MRAS: variants seen among roughly 807,000 people sequenced by gnomAD.
MRAS encodes muscle RAS oncogene homolog, also known as ras-related protein M-Ras.
In MRAS, 4 loss-of-function variants were observed where a neutral mutation model predicts 20.9. That is an observed-to-expected ratio of 0.19 (90% CI 0.09 to 0.44). MRAS has a LOEUF of 0.44. Among genes scored for constraint, MRAS ranks in the 20% least tolerant of loss-of-function variants. MRAS has a pLI of 0.99. For missense variants in MRAS, 154 were observed against 277.5 expected, an observed-to-expected ratio of 0.56 and a Z score of 3.16; for synonymous variants, 98 against 102.9, an observed-to-expected ratio of 0.95 and a Z score of 0.29.
chr3:138,391,459 A>G (rs561562854), intron 2 of MRAS, among the ~76,000 whole-genome samples: 2 of 152,320 alleles, frequency 1.3e-5, no homozygotes, highest in East Asian at 3.9e-4. Context: ...CTGCAGTCCA[A>G]AAATCTGAAA....
chr3:138,356,000 C>T (rs757702698), intron 1 of MRAS, among the ~76,000 whole-genome samples: 18 of 152,300 alleles, frequency 1.2e-4, no homozygotes, highest in Non-Finnish European at 2.1e-4. Context: ...CAAAAGCCAG[C>T]GAAGGCTGGG....
intron 5 of MRAS, among the ~76,000 whole-genome samples, chr3:138,401,440 A>G (rs1005002410): frequency 6.6e-6 from 1 of 152,210 alleles, no homozygotes; most frequent in African/African-American, 2.4e-5. Context: ...ATGAGGAAAT[A>G]TTACATTCTT....
At chr3:138,369,460 G>T (rs2054630000) in intron 1 of MRAS, among the ~76,000 whole-genome samples, 1 of 152,130 alleles carries the variant, frequency 6.6e-6, no homozygotes, top group South Asian at 2.1e-4. Flanking sequence ...AAACCTGGTT[G>T]GGGGTGACAG....
intron 1 of MRAS, among the ~76,000 whole-genome samples, chr3:138,369,377 G>T (rs2054627855): frequency 6.6e-6 from 1 of 152,172 alleles, no homozygotes; most frequent in African/African-American, 2.4e-5. Flanking sequence ...CCATGAGGAG[G>T]TTTGTGCTCT....
At chr3:138,397,782 G>A (rs1331158557) in intron 3 of MRAS, among the ~76,000 whole-genome samples, 1 of 152,156 alleles carries the variant, frequency 6.6e-6, no homozygotes, top group African/African-American at 2.4e-5. Flanking sequence ...AAGGCAAAGT[G>A]TTAATAAGTT....
chr3:138,352,992 A>G (rs557640560), intron 1 of MRAS, among the ~76,000 whole-genome samples: 4 of 152,314 alleles, frequency 2.6e-5, no homozygotes, highest in South Asian at 2.1e-4. Flanking sequence ...AATGAAGACC[A>G]CTACCAGTAT....
chr3:138,361,143 G>GA (rs1297835397), intron 1 of MRAS, among the ~76,000 whole-genome samples: 8 of 152,252 alleles, frequency 5.3e-5, no homozygotes, highest in Admixed American at 5.2e-4. Context: ...GACCTTGGGG[G>GA]ATAGAAGAGG....
At chr3:138,360,113 C>T (rs2054414727) in intron 1 of MRAS, among the ~76,000 whole-genome samples, 1 of 152,208 alleles carries the variant, frequency 6.6e-6, no homozygotes, top group South Asian at 2.1e-4. Flanking sequence ...TACCTATCCC[C>T]TTCTATCACT....
At chr3:138,354,319 A>G (rs1052064302) in intron 1 of MRAS, among the ~76,000 whole-genome samples, 1 of 152,192 alleles carries the variant, frequency 6.6e-6, no homozygotes, top group African/African-American at 2.4e-5. Context: ...AGATGTGACC[A>G]TTTTGTCTGC....
chr3:138,354,950 TA>T (rs1553796554), intron 1 of MRAS, among the ~76,000 whole-genome samples: 1 of 151,978 alleles, frequency 6.6e-6, no homozygotes. Context: ...CCATCTAATT[TA>T]AAAAAATTTT....
chr3:138,389,911 A>G (rs527985448), intron 2 of MRAS, among the ~76,000 whole-genome samples: 2 of 145,466 alleles, frequency 1.4e-5, no homozygotes, highest in East Asian at 4.3e-4. Context: ...CCTGGAGCTC[A>G]TGCTGTGACT....
At chr3:138,373,643 A>T (rs549157625) in intron 2 of MRAS, among the ~76,000 whole-genome samples, 1 of 152,316 alleles carries the variant, frequency 6.6e-6, no homozygotes, top group African/African-American at 2.4e-5. Flanking sequence ...GTTTTAACAC[A>T]CCCTCGAGGA....
Position 138,393,166 on chromosome 3 carries a change from T to A in MRAS, c.194-4158T>A, listed in dbSNP as rs137937709. Among the ~76,000 whole-genome samples, 1,083 of 152,334 alleles carry A rather than the reference T, an allele frequency of 7.1e-3. 8 individuals are homozygous for A. Among genetic ancestry groups the A allele is most frequent in the Non-Finnish European group, 8.4e-3 (570 of 68,030 alleles). ...CCCTCACACATTGGATCATCTTAGA[T>A]TTTAGTTCTACATTATCATCTATTC... On this transcript the variant is annotated intron_variant, in intron 2 of 5. Coordinates refer to ENST00000423968, the MANE Select transcript of MRAS (RefSeq NM_001085049.3).
Position 138,360,486 on chromosome 3 carries a change from C to G in MRAS, c.-19+11719C>G, listed in dbSNP as rs113884440. ...CCCCAGCTCAGAAGGCAGGGCCAGT[C>G]AGGGGGCCATGCCCTGGGTGCTGGT... On this transcript the variant is annotated intron_variant, in intron 1 of 5. Coordinates refer to ENST00000423968, the MANE Select transcript of MRAS (RefSeq NM_001085049.3). Among the ~76,000 whole-genome samples, 18 of 152,326 alleles carry G rather than the reference C, an allele frequency of 1.2e-4. 1 individual carries two copies. The highest frequency in any genetic ancestry group is 4.3e-4 in the African/African-American group (18 of 41,576).
chr3:138,367,657 T>C (rs1490128707), intron 1 of MRAS, among the ~76,000 whole-genome samples: 1 of 152,128 alleles, frequency 6.6e-6, no homozygotes, highest in Non-Finnish European at 1.5e-5. Context: ...AAGGCCGCAC[T>C]GGGAAAGTGA....
intron 3 of MRAS, 93 bp from the exon 4 acceptor site, chr3:138,398,375 TG>T (rs2055285760): frequency 3.0e-6 from 3 of 992,652 alleles, no homozygotes; most frequent in Admixed American, 3.6e-5. Flanking sequence ...TGCTGTGGGC[TG>T]GCTGTGCTAT....
At chr3:138,402,061 C>A in intron 5 of MRAS, 109 bp from the exon 6 acceptor site, 1 of 1,059,440 alleles carries the variant, frequency 9.4e-7, no homozygotes, top group Non-Finnish European at 1.4e-6. Flanking sequence ...CCACTAACCC[C>A]GCCAGAACAG....
chr3:138,365,533 G>A (rs868648360), intron 1 of MRAS, among the ~76,000 whole-genome samples: 2 of 152,234 alleles, frequency 1.3e-5, no homozygotes, highest in Non-Finnish European at 2.9e-5. Flanking sequence ...GCTGACAGCA[G>A]TCCAGGTGTG....
At chr3:138,369,856 G>GCCA (rs2054637810) in intron 1 of MRAS, among the ~76,000 whole-genome samples, 1 of 152,206 alleles carries the variant, frequency 6.6e-6, no homozygotes. Context: ...TGGTCTGAGT[G>GCCA]CCGACTCAAA....
Sources: allele counts gnomAD v4.1 joint callset (sites outside exome capture counted in the v4.1 genomes callset), GRCh38; gene constraint gnomAD v4.1.1; transcripts MANE v1.5; gene names NCBI Gene and HGNC (gene_info 2026-07-23, HGNC 2026-07-21).